HNRNPC: variants seen among roughly 807,000 people sequenced by gnomAD.
The protein encoded by HNRNPC is heterogeneous nuclear ribonucleoprotein C, also known as heterogeneous nuclear ribonucleoproteins C1/C2.
In HNRNPC, 3 loss-of-function variants were observed where a neutral mutation model predicts 33.2. The observed-to-expected ratio is 0.09, with a 90% CI of 0.04 to 0.23. HNRNPC has a LOEUF of 0.23. HNRNPC is among the 10% of genes least tolerant of loss of function. HNRNPC has a pLI of 1.00. For missense variants in HNRNPC, 143 were observed against 366.7 expected (o/e 0.39, Z 4.98); for synonymous variants, 121 against 126.7 (o/e 0.96, Z 0.30).
intron 2 of HNRNPC, among the ~76,000 whole-genome samples, chr14:21,245,895 G>A (rs1382055343): frequency 6.6e-6 from 1 of 151,952 alleles, no homozygotes; most frequent in Non-Finnish European, 1.5e-5. Context: ...ACTAAGGCTG[G>A]AGTGCAGTGG....
At chr14:21,247,990 TAAA>T (rs926156196) in intron 2 of HNRNPC, among the ~76,000 whole-genome samples, 5 of 142,622 alleles carry the variant, frequency 3.5e-5, no homozygotes, top group African/African-American at 1.3e-4. Context: ...GATTACATCA[TAAA>T]AAAGAAAAAA....
chr14:21,229,350 G>A (rs572272434), intron 5 of HNRNPC, among the ~76,000 whole-genome samples: 3 of 138,774 alleles, frequency 2.2e-5, no homozygotes, highest in East Asian at 2.0e-4. Flanking sequence ...CAGGATGGGC[G>A]ACAGAGCGAG....
rs113361102 is a variant in HNRNPC at position 21,224,353 on chromosome 14, T to C, written c.365+5966A>G. Among the ~76,000 whole-genome samples the C allele has an allele frequency of 4.9e-3, 751 of 152,304 alleles. 7 individuals carry two copies. The highest frequency in any genetic ancestry group is 0.017 in the African/African-American group (724 of 41,534). ...AACTAATTTTCTCTCTCTACCAAGA[T>C]ACATTCCTAGAAAAGTCAGGTAGAA... is the stretch of plus-strand genomic sequence containing the variant. On this transcript the variant is annotated intron_variant, in intron 5 of 8. Coordinates refer to ENST00000553300, the MANE Select transcript of HNRNPC (RefSeq NM_004500.4).
At chr14:21,249,462 C>T (rs552755086) in intron 2 of HNRNPC, among the ~76,000 whole-genome samples, 18 of 151,676 alleles carry the variant, frequency 1.2e-4, no homozygotes, top group African/African-American at 4.4e-4. Context: ...TGGCACGTGC[C>T]TGTAATCCCA....
chr14:21,257,803 C>T (rs1489484162), intron 2 of HNRNPC, among the ~76,000 whole-genome samples: 2 of 152,158 alleles, frequency 1.3e-5, no homozygotes, highest in East Asian at 3.9e-4. Context: ...TTAAGCTATC[C>T]TCCAACTTCA....
At chr14:21,265,870 C>A (rs1259203360) in intron 1 of HNRNPC, among the ~76,000 whole-genome samples, 3 of 152,184 alleles carry the variant, frequency 2.0e-5, no homozygotes, top group African/African-American at 7.2e-5. Flanking sequence ...AGGTTTGGAT[C>A]CCTTCTTCTA....
intron 2 of HNRNPC, among the ~76,000 whole-genome samples, chr14:21,246,914 ACT>A (rs1379957439): frequency 1.3e-5 from 2 of 152,118 alleles, no homozygotes; most frequent in East Asian, 3.8e-4. Flanking sequence ...CTCCTTAATA[ACT>A]TTTTCTTTTC....
chr14:21,249,338 G>T (rs1896350136), intron 2 of HNRNPC, among the ~76,000 whole-genome samples: 1 of 151,712 alleles, frequency 6.6e-6, no homozygotes, highest in Non-Finnish European at 1.5e-5. Flanking sequence ...ACTCTGGGAG[G>T]CCGAGGCAGG....
chr14:21,234,158 G>A lies in HNRNPC; in HGVS notation c.36C>T (p.Arg12=), dbSNP rs1305001147. The A allele has an allele frequency of 3.1e-6, 5 of 1,614,034 alleles. No individual in the cohort carries two copies. Among genetic ancestry groups the A allele is most frequent in the Middle Eastern group, 1.6e-4 (1 of 6,084 alleles). The change falls in exon 3 of 9, where the codon CGC becomes CGT. Residue 12 remains arginine, a synonymous_variant. Transcript: ENST00000553300. ...CAATGAATACACGGGAGTTCATGGA[G>A]CGAGGATCTGTCTTGTTGGTAACGT... ...ASNVTNKTDP[R]SMNSRVFIGN...
chr14:21,266,114 T>C (rs1878934103), intron 1 of HNRNPC, among the ~76,000 whole-genome samples: 1 of 152,202 alleles, frequency 6.6e-6, no homozygotes, highest in African/African-American at 2.4e-5. Flanking sequence ...TCAATTATTA[T>C]CATTTTTTTG....
At chr14:21,228,878 A>T (rs1208905296) in intron 5 of HNRNPC, among the ~76,000 whole-genome samples, 2 of 151,160 alleles carry the variant, frequency 1.3e-5, no homozygotes, top group African/African-American at 4.9e-5. Flanking sequence ...TCAGTTCAGG[A>T]GTTCGAGACC....
At chr14:21,254,071 A>AG (rs1210261021) in intron 2 of HNRNPC, among the ~76,000 whole-genome samples, 1 of 149,240 alleles carries the variant, frequency 6.7e-6, no homozygotes, top group East Asian at 1.9e-4. Context: ...AAAAAAAAAA[A>AG]AAAAAAAAGT....
At chr14:21,251,464 A>G (rs1896666213) in intron 2 of HNRNPC, among the ~76,000 whole-genome samples, 2 of 152,000 alleles carry the variant, frequency 1.3e-5, no homozygotes. Context: ...AGATAACTTG[A>G]GGTCAGGAGT....
chr14:21,223,754 C>CA (rs1288190319), intron 5 of HNRNPC, among the ~76,000 whole-genome samples: 6 of 152,082 alleles, frequency 3.9e-5, no homozygotes, highest in African/African-American at 1.4e-4. Context: ...TCTCAAAAAA[C>CA]AAAAAACAAA....
At chr14:21,241,201 G>C (rs1594272781) in intron 2 of HNRNPC, among the ~76,000 whole-genome samples, 1 of 141,420 alleles carries the variant, frequency 7.1e-6, no homozygotes, top group Admixed American at 7.3e-5. Flanking sequence ...GGAGGTTGTA[G>C]TAAGCCGAGA....
chr14:21,269,035 G>A (rs566773286), intron 1 of HNRNPC, among the ~76,000 whole-genome samples: 1 of 152,098 alleles, frequency 6.6e-6, no homozygotes, highest in African/African-American at 2.4e-5. Flanking sequence ...CGTAGAAAAT[G>A]AAAGGAAAGC....
At position 21,250,252 on chromosome 14, in the gene HNRNPC, CA is replaced by C. The variant is rs112062390; in HGVS notation, c.-37+13058del. On this transcript the variant is annotated intron_variant, in intron 2 of 8. Transcript: ENST00000553300. ...TGGGCAACGGAGCGAGACTCCACTT[CA>C]AAAAAAAAAAAGAAATCCACATTTA... Among the ~76,000 whole-genome samples the C allele has an allele frequency of 1.9e-3, 256 of 132,472 alleles. 1 individual carries two copies. The highest frequency in any genetic ancestry group is 1.8e-3 in the Admixed American group (24 of 13,188). 86.9% of individuals were successfully genotyped at this position (132,472 alleles called of 152,430 possible).
At chr14:21,250,594 C>A (rs1418712459) in intron 2 of HNRNPC, among the ~76,000 whole-genome samples, 2 of 151,552 alleles carry the variant, frequency 1.3e-5, no homozygotes, top group African/African-American at 4.9e-5. Context: ...ATATGTATCT[C>A]CAGCCTGCCA....
chr14:21,259,177 T>A (rs1485132151), intron 2 of HNRNPC, among the ~76,000 whole-genome samples: 1 of 152,178 alleles, frequency 6.6e-6, no homozygotes, highest in African/African-American at 2.4e-5. Context: ...TTCCCCCTCA[T>A]TATCTGTGCT....
Sources: allele counts gnomAD v4.1 joint callset (sites outside exome capture counted in the v4.1 genomes callset), GRCh38; gene constraint gnomAD v4.1.1; transcripts MANE v1.5; gene names NCBI Gene and HGNC (gene_info 2026-07-23, HGNC 2026-07-21).